Variants in CDH13 observed in about 807,000 individuals in gnomAD.
CDH13 encodes cadherin-13.
A neutral mutation model predicts 63.8 loss-of-function variants in CDH13; 24 were observed. The observed-to-expected ratio is 0.38, with a 90% CI of 0.27 to 0.53. CDH13 has a LOEUF of 0.53. Among genes scored for constraint, CDH13 ranks in the 20% least tolerant of loss-of-function variants. The pLI is 0.85. For missense variants in CDH13, 1,049 were observed against 903.1 expected (o/e 1.16, Z -2.07); for synonymous variants, 503 against 355.3 (o/e 1.42, Z -4.67).
chr16:83,673,894 G>A (rs1039471413), intron 9 of CDH13, among the ~76,000 whole-genome samples: 1 of 152,212 alleles, frequency 6.6e-6, no homozygotes, highest in African/African-American at 2.4e-5. Context: ...GGTGCCCACA[G>A]AGGCTGATGC....
intron 6 of CDH13, among the ~76,000 whole-genome samples, chr16:83,352,206 A>G (rs1314920469): frequency 6.8e-6 from 1 of 148,092 alleles, no homozygotes; most frequent in African/African-American, 2.5e-5. Context: ...TTAGGTGACC[A>G]TAAAACACGT....
At chr16:82,926,907 A>G (rs1190526609) in intron 2 of CDH13, among the ~76,000 whole-genome samples, 1 of 152,190 alleles carries the variant, frequency 6.6e-6, no homozygotes, top group Non-Finnish European at 1.5e-5. Context: ...TAAACTTACC[A>G]TCTTAAAGCA....
intron 4 of CDH13, among the ~76,000 whole-genome samples, chr16:83,214,945 A>T (rs2039452223): frequency 6.6e-6 from 1 of 152,036 alleles, no homozygotes; most frequent in African/African-American, 2.4e-5. Flanking sequence ...TGAGCCCAGT[A>T]AGCTGTGGCT....
chr16:82,981,509 T>C (rs1329298129), intron 2 of CDH13, among the ~76,000 whole-genome samples: 2 of 152,068 alleles, frequency 1.3e-5, no homozygotes, highest in East Asian at 3.9e-4. Flanking sequence ...GGGTAAAGAG[T>C]CTTTCCTTGT....
At chr16:83,617,487 GTAATAAGCACATATCC>G (rs1412859398) in intron 8 of CDH13, among the ~76,000 whole-genome samples, 2 of 150,838 alleles carry the variant, frequency 1.3e-5, no homozygotes, top group Non-Finnish European at 3.0e-5. Context: ...AATATCTATT[GTAATAAGCACATATCC>G]TAATATGCAC....
At chr16:83,434,651 C>T (rs1018270769) in intron 6 of CDH13, among the ~76,000 whole-genome samples, 7 of 151,952 alleles carry the variant, frequency 4.6e-5, no homozygotes, top group South Asian at 2.1e-4. Context: ...GTACATAGCC[C>T]TTCCTCTTAT....
intron 6 of CDH13, among the ~76,000 whole-genome samples, chr16:83,383,896 G>A (rs549177126): frequency 2.1e-4 from 32 of 152,236 alleles, no homozygotes; most frequent in African/African-American, 7.0e-4. Flanking sequence ...CTGCTGGAGT[G>A]TCACTGCTGC....
rs182686448 is a variant in CDH13, at chr16:83,686,931, G to A, written c.1538+8470G>A. The stretch of plus-strand genomic sequence containing the variant: ...TGCATTAAGTAGACATGGGTTGACC[G>A]AATGCGGTGGCTCATGCTTTGTAAT... On this transcript the variant is annotated intron_variant, in intron 10 of 13. Coordinates refer to ENST00000567109, the MANE Select transcript of CDH13 (RefSeq NM_001257.5). 1.3e-4 allele frequency among the ~76,000 whole-genome samples: 20 copies of A among 152,274 alleles called. No individual in the cohort carries two copies. The East Asian group carries it at 1.3e-3, about 10-fold the overall frequency.
intron 5 of CDH13, among the ~76,000 whole-genome samples, chr16:83,293,677 G>T (rs906377965): frequency 6.6e-6 from 1 of 152,132 alleles, no homozygotes; most frequent in African/African-American, 2.4e-5. Context: ...TGATTGAACT[G>T]GATATTTGTC....
chr16:82,709,935 G>A (rs1329763096), intron 1 of CDH13, among the ~76,000 whole-genome samples: 3 of 151,982 alleles, frequency 2.0e-5, no homozygotes, highest in Non-Finnish European at 2.9e-5. Context: ...TCTAGATGAG[G>A]ATGTGAGGTT....
intron 1 of CDH13, among the ~76,000 whole-genome samples, chr16:82,759,273 C>T (rs1364908512): frequency 2.0e-5 from 3 of 152,148 alleles, no homozygotes; most frequent in African/African-American, 7.2e-5. Context: ...TTTTTCACAC[C>T]TCCTCACTTG....
chr16:82,638,882 C>G (rs1240786580), intron 1 of CDH13, among the ~76,000 whole-genome samples: 1 of 135,778 alleles, frequency 7.4e-6, no homozygotes, highest in Non-Finnish European at 1.7e-5. Context: ...TTTAAAGTAC[C>G]TCCATGTAAC....
chr16:82,725,912 A>G (rs1188387595), intron 1 of CDH13, among the ~76,000 whole-genome samples: 1 of 152,160 alleles, frequency 6.6e-6, no homozygotes, highest in Non-Finnish European at 1.5e-5. Flanking sequence ...GCCTGAGGTT[A>G]TGTGGCAGAG....
chr16:83,400,181 T>G (rs1335175746), intron 6 of CDH13, among the ~76,000 whole-genome samples: 2 of 151,430 alleles, frequency 1.3e-5, no homozygotes, highest in African/African-American at 4.9e-5. Flanking sequence ...TTAGAGGGAG[T>G]CTTGGGACTC....
chr16:82,864,549 C>G (rs1006397395), intron 2 of CDH13, among the ~76,000 whole-genome samples: 4 of 152,062 alleles, frequency 2.6e-5, no homozygotes, highest in African/African-American at 4.8e-5. Context: ...ACCATCATTT[C>G]TCACGAGAAC....
At chr16:82,630,220 C>A (rs894130945) in intron 1 of CDH13, among the ~76,000 whole-genome samples, 2 of 152,124 alleles carry the variant, frequency 1.3e-5, no homozygotes, top group African/African-American at 4.8e-5. Context: ...GAAGAGGGTG[C>A]TGCCCCCTCC....
intron 7 of CDH13, among the ~76,000 whole-genome samples, chr16:83,543,138 G>C (rs1359264182): frequency 2.6e-5 from 4 of 152,168 alleles, no homozygotes; most frequent in African/African-American, 9.7e-5. Flanking sequence ...GTAACTATAG[G>C]TTGAATTAAT....
rs181878042 is a variant in CDH13, at chr16:83,141,874, C to T, written c.483+16373C>T. On this transcript the variant is annotated intron_variant, in intron 4 of 13. Transcript: ENST00000567109. ...TTCTTTTTTATGGCTGCATAGTATTCCATGTGCATATGTGCTTTCACTTTA... is the reference window on the plus strand; with the variant it reads ...TTCTTTTTTATGGCTGCATAGTATTTCATGTGCATATGTGCTTTCACTTTA... Among the ~76,000 whole-genome samples, 105 of 152,242 alleles carry T rather than the reference C, an allele frequency of 6.9e-4. 1 individual carries two copies. Among genetic ancestry groups the T allele is most frequent in the Non-Finnish European group, 1.3e-3 (87 of 68,026 alleles).
chr16:82,851,434 C>A (rs1447765424), intron 1 of CDH13, among the ~76,000 whole-genome samples: 13 of 79,158 alleles, frequency 1.6e-4, no homozygotes, highest in Admixed American at 4.1e-4. Context: ...GATTTCGTCT[C>A]AAAAAAAAAA....
Sources: gnomAD v4.1 joint callset for allele counts (sites outside exome capture counted in the v4.1 genomes callset) on GRCh38, gnomAD v4.1.1 for gene constraint, MANE v1.5 for transcripts, NCBI Gene and HGNC (gene_info 2026-07-23, HGNC 2026-07-21) for gene names.